The following BMAL1 variants were observed in gnomAD, a reference collection of about 807,000 sequenced individuals.
BMAL1 encodes the protein basic helix-loop-helix ARNT-like protein 1.
At chr11:13,287,816 A>G in the BMAL1 span, among the ~76,000 whole-genome samples, 1 of 152,208 alleles carries the variant, frequency 6.6e-6, no homozygotes. Flanking sequence ...CTAAAAGAAA[A>G]CTTGTTGCAT....
chr11:13,333,286 C>T, the BMAL1 span, among the ~76,000 whole-genome samples: 3 of 152,124 alleles, frequency 2.0e-5, no homozygotes, highest in African/African-American at 7.2e-5. Flanking sequence ...TTTAAATCGT[C>T]CAGAGTAAGA....
the BMAL1 span, chr11:13,369,705 G>T: frequency 6.2e-7 from 1 of 1,614,144 alleles, no homozygotes; most frequent in Non-Finnish European, 8.5e-7. Context: ...AGGATGAAGT[G>T]TAACAGGCCT....
the BMAL1 span, chr11:13,369,904 C>A: frequency 9.0e-7 from 1 of 1,106,850 alleles, no homozygotes; most frequent in Non-Finnish European, 1.3e-6. Context: ...CAGGACCCTG[C>A]AGTCCTCCCT....
At chr11:13,386,724 G>C in the BMAL1 span, 7 of 1,614,104 alleles carry the variant, frequency 4.3e-6, no homozygotes, top group Non-Finnish European at 5.9e-6. Context: ...GGGTGGCCCT[G>C]TTGACTTTAG....
At chr11:13,378,196 C>T in the BMAL1 span, 1 of 1,195,424 alleles carries the variant, frequency 8.4e-7, no homozygotes, top group Non-Finnish European at 1.1e-6. Flanking sequence ...TCCTGACAAG[C>T]TGTAGCCCTA....
chr11:13,277,365 G>A, the BMAL1 span, among the ~76,000 whole-genome samples: 1 of 152,192 alleles, frequency 6.6e-6, no homozygotes, highest in Non-Finnish European at 1.5e-5. Context: ...CGAGGAGCGC[G>A]GCTTGGGCAC....
the BMAL1 span, among the ~76,000 whole-genome samples, chr11:13,326,157 T>A: frequency 6.6e-6 from 1 of 150,772 alleles, no homozygotes; most frequent in South Asian, 2.1e-4. Flanking sequence ...TGAGCCGATA[T>A]CATGCCACCG....
chr11:13,376,943 T>G, the BMAL1 span, among the ~76,000 whole-genome samples: 1 of 152,334 alleles, frequency 6.6e-6, no homozygotes, highest in African/African-American at 2.4e-5. Context: ...ACTGCTGCAC[T>G]TCCCAAAGCT....
At chr11:13,281,596 C>T in the BMAL1 span, among the ~76,000 whole-genome samples, 57 of 151,968 alleles carry the variant, frequency 3.8e-4, no homozygotes, top group Non-Finnish European at 8.8e-5. Context: ...CTCACTGCAG[C>T]CTCCCAAGTC....
the BMAL1 span, among the ~76,000 whole-genome samples, chr11:13,279,620 A>G: frequency 7.9e-5 from 12 of 152,356 alleles, no homozygotes; most frequent in South Asian, 1.0e-3. Flanking sequence ...TTCCATATCA[A>G]TGGAATTCCC....
At chr11:13,332,712 A>G in the BMAL1 span, among the ~76,000 whole-genome samples, 3 of 152,156 alleles carry the variant, frequency 2.0e-5, no homozygotes, top group Non-Finnish European at 4.4e-5. Flanking sequence ...GTGTTCTAGC[A>G]ACTTTTCCTG....
the BMAL1 span, chr11:13,378,271 T>C: frequency 2.0e-6 from 3 of 1,492,580 alleles, no homozygotes; most frequent in East Asian, 7.6e-5. Context: ...CTGGTTTTAC[T>C]TTAATACATA....
the BMAL1 span, among the ~76,000 whole-genome samples, chr11:13,377,950 G>A: frequency 6.6e-6 from 1 of 152,172 alleles, no homozygotes; most frequent in Non-Finnish European, 1.5e-5. Context: ...CCTCGTGCTT[G>A]CCTGTCAAAC....
At chr11:13,335,795 C>T in the BMAL1 span, among the ~76,000 whole-genome samples, 4 of 152,098 alleles carry the variant, frequency 2.6e-5, no homozygotes, top group East Asian at 3.8e-4. Flanking sequence ...TCTGGTGTAG[C>T]GGTGCCCCAA....
At chr11:13,369,220 C>T in the BMAL1 span, among the ~76,000 whole-genome samples, 1 of 152,228 alleles carries the variant, frequency 6.6e-6, no homozygotes, top group Non-Finnish European at 1.5e-5. Flanking sequence ...GCCCAAGTTC[C>T]TTCTCCTCTG....
At chr11:13,276,890 T>C in the BMAL1 span, 1 of 152,370 alleles carries the variant, frequency 6.6e-6, no homozygotes, top group South Asian at 2.1e-4. Flanking sequence ...TCTTGCTCCG[T>C]AGACAGCTTT....
At chr11:13,287,217 A>G in the BMAL1 span, among the ~76,000 whole-genome samples, 1 of 152,220 alleles carries the variant, frequency 6.6e-6, no homozygotes, top group African/African-American at 2.4e-5. Context: ...TTAGGTGCAG[A>G]GTGCTGTGCT....
chr11:13,361,995 G>A, the BMAL1 span, among the ~76,000 whole-genome samples: 1 of 152,214 alleles, frequency 6.6e-6, no homozygotes, highest in African/African-American at 2.4e-5. Context: ...GCAGGGCAGG[G>A]TGCAGAAACA....
chr11:13,333,514 TCGGG>T, the BMAL1 span, among the ~76,000 whole-genome samples: 1 of 152,208 alleles, frequency 6.6e-6, no homozygotes, highest in African/African-American at 2.4e-5. Context: ...CCTCCTTCCT[TCGGG>T]CTGATCAGCC....
Sources: allele counts gnomAD v4.1 joint callset (sites outside exome capture counted in the v4.1 genomes callset), GRCh38; gene constraint gnomAD v4.1.1; transcripts MANE v1.5; gene names NCBI Gene and HGNC (gene_info 2026-07-23, HGNC 2026-07-21).